Variants in ADAMTS19 observed in about 807,000 individuals in gnomAD.
ADAMTS19 encodes A disintegrin and metalloproteinase with thrombospondin motifs 19.
In ADAMTS19, 93 loss-of-function variants were observed where a neutral mutation model predicts 153.3. The ratio of observed to expected loss-of-function variants is 0.61; its 90% confidence interval spans 0.51 to 0.72. The LOEUF is 0.72. Among genes scored for constraint, ADAMTS19 ranks in the 30% least tolerant of loss-of-function variants. The probability of loss-of-function intolerance (pLI) is 0.00; values close to 1 mark genes in which losing one functional copy is unlikely to be tolerated. For missense variants in ADAMTS19, 1,482 were observed against 1,552.1 expected, an observed-to-expected ratio of 0.95 and a Z score of 0.76; for synonymous variants, 600 against 556.6, an observed-to-expected ratio of 1.08 and a Z score of -1.10.
chr5:129,579,867 C>G (rs1426480992), intron 7 of ADAMTS19, among the ~76,000 whole-genome samples: 1 of 152,090 alleles, frequency 6.6e-6, no homozygotes, highest in Non-Finnish European at 1.5e-5. Context: ...AGACAGGTAG[C>G]ATGACGCCTC....
At chr5:129,640,281 T>C (rs778810631) in intron 10 of ADAMTS19, among the ~76,000 whole-genome samples, 4 of 152,046 alleles carry the variant, frequency 2.6e-5, no homozygotes, top group African/African-American at 7.2e-5. Context: ...AAATTGTTGT[T>C]AAAAAAAGCT....
chr5:129,569,167 C>CA lies in ADAMTS19; in HGVS notation c.1372+17267dup, dbSNP rs1049576016. On this transcript the variant is annotated intron_variant, in intron 7 of 22. Coordinates refer to ENST00000274487, the MANE Select transcript of ADAMTS19 (RefSeq NM_133638.6). ...TAAAAAGTAAAAAACAAAAACAAAA[C>CA]AAAAAAACCCTCAAGTGACTATTTA... Among the ~76,000 whole-genome samples, 4 of 151,804 alleles carry CA rather than the reference C, an allele frequency of 2.6e-5. No homozygotes were observed. In the East Asian group the frequency reaches 5.8e-4, roughly 22 times the overall value.
chr5:129,464,239 C>T (rs1749782694), intron 2 of ADAMTS19, among the ~76,000 whole-genome samples: 1 of 152,138 alleles, frequency 6.6e-6, no homozygotes, highest in Non-Finnish European at 1.5e-5. Context: ...GCCTTGTCTG[C>T]AAGAATATGG....
chr5:129,471,994 T>C (rs1380315074), intron 2 of ADAMTS19, among the ~76,000 whole-genome samples: 5 of 152,222 alleles, frequency 3.3e-5, no homozygotes, highest in Admixed American at 1.3e-4. Context: ...TGCTATTATG[T>C]ATAGTGCTGC....
At position 129,639,967 on chromosome 5, in the gene ADAMTS19, T is replaced by C. The variant is rs141684961; in HGVS notation, c.1771-1892T>C. Among the ~76,000 whole-genome samples, 562 of 152,284 alleles carry C rather than the reference T, an allele frequency of 3.7e-3. 3 individuals carry two copies. The highest frequency in any genetic ancestry group is 0.013 in the African/African-American group (541 of 41,564). On this transcript the variant is annotated intron_variant, in intron 10 of 22. Coordinates refer to ENST00000274487, the MANE Select transcript of ADAMTS19 (RefSeq NM_133638.6). ...TGAACTCTTTGCCTATTTTCAATAG[T>C]TTAAAATATTACAAAGGGGCAATAT...
chr5:129,609,329 G>A (rs1274445829), intron 8 of ADAMTS19, among the ~76,000 whole-genome samples: 1 of 152,138 alleles, frequency 6.6e-6, no homozygotes, highest in Non-Finnish European at 1.5e-5. Context: ...TTAATTTCAA[G>A]ATTCATTGTT....
chr5:129,735,569 C>G (rs1253351382), intron 22 of ADAMTS19, among the ~76,000 whole-genome samples: 2 of 151,978 alleles, frequency 1.3e-5, no homozygotes, highest in Non-Finnish European at 2.9e-5. Flanking sequence ...GTGCATGGAT[C>G]TACACCATTA....
At position 129,722,748 on chromosome 5, in the gene ADAMTS19, T is replaced by C. The variant is rs147445911; in HGVS notation, c.3313-12184T>C. On this transcript the variant is annotated intron_variant, in intron 21 of 22. Transcript: ENST00000274487. The stretch of plus-strand genomic sequence containing the variant: ...AGATCTCAGCAACACTTTCCATTAA[T>C]GCCATAAGTAATACAATTTCAGGAG... Among the ~76,000 whole-genome samples the C allele has an allele frequency of 8.6e-3, 1,316 of 152,286 alleles. 21 individuals carry two copies. Among genetic ancestry groups the C allele is most frequent in the African/African-American group, 0.029 (1,215 of 41,566 alleles).
chr5:129,622,239 G>A lies in ADAMTS19; in HGVS notation c.1661G>A (p.Ser554Asn). ...SNCLLQTNPQ[S>N]VNSVMVPSKL... ...TGCTTGCTACAAACAAATCCGCAGA[G>A]TGTCAATTCTGTGATGGTTCCCTCC... Residue 554 changes from serine (S) to asparagine (N), a missense_variant, in exon 10 of 23, where the codon AGT becomes AAT. Ser to Asn is a conservative substitution (Grantham distance 46, BLOSUM62 1). Around this residue, in one of 2 missense-constraint regions of ADAMTS19, gnomAD observed 866 missense variants for 827.7 expected, o/e 1.05. Coordinates refer to ENST00000274487, the MANE Select transcript of ADAMTS19 (RefSeq NM_133638.6). 6.2e-7 allele frequency: 1 copy of A among 1,614,102 alleles called. No individual in the cohort carries two copies. Among genetic ancestry groups the A allele is most frequent in the Non-Finnish European group, 8.5e-7 (1 of 1,179,996 alleles).
chr5:129,652,821 T>G (rs1289448126), intron 13 of ADAMTS19, among the ~76,000 whole-genome samples: 1 of 152,208 alleles, frequency 6.6e-6, no homozygotes, highest in African/African-American at 2.4e-5. Context: ...GAAAGAGCAT[T>G]ATATATACCA....
intron 22 of ADAMTS19, among the ~76,000 whole-genome samples, chr5:129,735,843 G>A (rs747763449): frequency 5.9e-5 from 9 of 152,062 alleles, no homozygotes; most frequent in Middle Eastern, 3.4e-3. Flanking sequence ...GCATTTAACA[G>A]CACTCTTGCC....
chr5:129,541,399 ACC>A (rs1752649340), intron 6 of ADAMTS19, among the ~76,000 whole-genome samples: 1 of 151,894 alleles, frequency 6.6e-6, no homozygotes, highest in Non-Finnish European at 1.5e-5. Context: ...TAGAAAAATC[ACC>A]CCAAATCCCT....
At chr5:129,676,071 A>G (rs1403885976) in intron 16 of ADAMTS19, among the ~76,000 whole-genome samples, 1 of 152,118 alleles carries the variant, frequency 6.6e-6, no homozygotes, top group Non-Finnish European at 1.5e-5. Flanking sequence ...GCCTTGGTCT[A>G]CAAATTCTGT....
chr5:129,515,866 G>A (rs921191393), intron 3 of ADAMTS19, among the ~76,000 whole-genome samples: 6 of 151,982 alleles, frequency 3.9e-5, no homozygotes, highest in East Asian at 1.9e-4. Context: ...TAGTGTTACC[G>A]ATTTTAGAGA....
chr5:129,519,738 G>A (rs1751733087), intron 3 of ADAMTS19, among the ~76,000 whole-genome samples: 1 of 152,038 alleles, frequency 6.6e-6, no homozygotes, highest in South Asian at 2.1e-4. Flanking sequence ...TGCATACCAG[G>A]AGACCCTGGA....
intron 7 of ADAMTS19, among the ~76,000 whole-genome samples, chr5:129,560,744 A>G (rs1356959569): frequency 6.6e-6 from 1 of 152,230 alleles, no homozygotes; most frequent in Non-Finnish European, 1.5e-5. Context: ...ACATATGTTT[A>G]TACATCTTGC....
At chr5:129,696,654 A>G (rs1039337684) in intron 19 of ADAMTS19, among the ~76,000 whole-genome samples, 5 of 152,204 alleles carry the variant, frequency 3.3e-5, no homozygotes, top group Admixed American at 6.5e-5. Context: ...TTAGGAAGAC[A>G]TAAGATGTCA....
intron 6 of ADAMTS19, among the ~76,000 whole-genome samples, chr5:129,537,717 A>G (rs2126791038): frequency 6.6e-6 from 1 of 151,916 alleles, no homozygotes; most frequent in African/African-American, 2.4e-5. Flanking sequence ...ATAGGTGGGA[A>G]TTGAACAATG....
intron 16 of ADAMTS19, among the ~76,000 whole-genome samples, chr5:129,678,225 A>C: frequency 6.6e-6 from 1 of 152,200 alleles, no homozygotes; most frequent in Non-Finnish European, 1.5e-5. Context: ...GACTTCATGC[A>C]CATGGGTCTC....
Sources: gnomAD v4.1 joint callset for allele counts (sites outside exome capture counted in the v4.1 genomes callset) on GRCh38, gnomAD v4.1.1 for gene constraint, gnomAD v4.1.1 regional missense constraint, MANE v1.5 for transcripts, NCBI Gene and HGNC (gene_info 2026-07-23, HGNC 2026-07-21) for gene names.